Variants in SORCS2 observed in about 807,000 individuals in gnomAD.
The protein encoded by SORCS2 is VPS10 domain-containing receptor SorCS2.
A neutral mutation model predicts 141.6 loss-of-function variants in SORCS2; 100 were observed. The observed-to-expected ratio is 0.71, with a 90% confidence interval of 0.60 to 0.83. The LOEUF (loss-of-function observed/expected upper bound fraction) is 0.83, where lower values mean the gene tolerates loss of function less well. SORCS2 is among the 40% of genes least tolerant of loss of function. The pLI is 0.00. For missense variants in SORCS2, 1,646 were observed against 1,560.2 expected, an observed-to-expected ratio of 1.05 and a Z score of -0.93; for synonymous variants, 789 against 676.9, an observed-to-expected ratio of 1.17 and a Z score of -2.57.
At chr4:7,526,110 C>T (rs770089812) in intron 2 of SORCS2, among the ~76,000 whole-genome samples, 4 of 152,268 alleles carry the variant, frequency 2.6e-5, no homozygotes, top group African/African-American at 4.8e-5. Context: ...TAATGATGAG[C>T]CCTGCTATGC....
At chr4:7,405,316 AG>A (rs1349537630) in intron 2 of SORCS2, among the ~76,000 whole-genome samples, 6 of 152,128 alleles carry the variant, frequency 3.9e-5, no homozygotes, top group Non-Finnish European at 8.8e-5. Flanking sequence ...CTTCTTGCTT[AG>A]GATTTCTTTT....
chr4:7,605,100 C>T (rs1466518309), intron 3 of SORCS2, among the ~76,000 whole-genome samples: 1 of 152,204 alleles, frequency 6.6e-6, no homozygotes, highest in East Asian at 1.9e-4. Context: ...GTTTGATGTT[C>T]CTTCGTGTGA....
intron 9 of SORCS2, among the ~76,000 whole-genome samples, chr4:7,681,140 C>T (rs906947416): frequency 1.3e-5 from 2 of 152,138 alleles, no homozygotes; most frequent in Non-Finnish European, 2.9e-5. Flanking sequence ...TGATGCGTGT[C>T]CTTGGGGGTC....
chr4:7,467,455 C>G (rs973251382), intron 2 of SORCS2, among the ~76,000 whole-genome samples: 19 of 152,200 alleles, frequency 1.2e-4, no homozygotes, highest in Non-Finnish European at 4.4e-5. Context: ...CCTCACAGCT[C>G]TCATCATCAC....
At chr4:7,446,203 A>G (rs1727987476) in intron 2 of SORCS2, among the ~76,000 whole-genome samples, 1 of 151,976 alleles carries the variant, frequency 6.6e-6, no homozygotes, top group Non-Finnish European at 1.5e-5. Context: ...AGGGAAGAAA[A>G]GAACCTTATT....
At chr4:7,657,305 A>ATGAATGAGTGAATAAATGAG in intron 5 of SORCS2, among the ~76,000 whole-genome samples, 1 of 152,400 alleles carries the variant, frequency 6.6e-6, no homozygotes, top group Non-Finnish European at 1.5e-5. Flanking sequence ...TAGGTAATGA[A>ATGAATGAGTGAATAAATGAG]TGAATGAGTG....
intron 1 of SORCS2, among the ~76,000 whole-genome samples, chr4:7,289,813 G>A (rs1007006864): frequency 1.4e-4 from 21 of 152,280 alleles, no homozygotes; most frequent in East Asian, 9.6e-4. Context: ...AAATAGAGAC[G>A]GCGCTCGGCT....
At chr4:7,414,521 C>T (rs1214322958) in intron 2 of SORCS2, among the ~76,000 whole-genome samples, 3 of 152,108 alleles carry the variant, frequency 2.0e-5, no homozygotes, top group Non-Finnish European at 4.4e-5. Context: ...ATTAAGCCGG[C>T]GGCCAAAGAG....
intron 1 of SORCS2, among the ~76,000 whole-genome samples, chr4:7,387,725 TAC>T (rs1200066138): frequency 7.4e-6 from 1 of 134,272 alleles, no homozygotes; most frequent in African/African-American, 2.8e-5. Context: ...TGCACACACA[TAC>T]ACATTTGCAC....
chr4:7,682,998 C>A, intron 10 of SORCS2, 109 bp downstream of exon 10: 1 of 1,321,286 alleles, frequency 7.6e-7, no homozygotes, highest in Non-Finnish European at 1.0e-6. Context: ...CCATCTGAGA[C>A]ACATGAACCA....
intron 1 of SORCS2, among the ~76,000 whole-genome samples, chr4:7,394,951 G>A (rs762198205): frequency 5.9e-5 from 9 of 152,302 alleles, no homozygotes; most frequent in South Asian, 2.1e-4. Context: ...TGGGAACAGC[G>A]TGACTATATC....
intron 3 of SORCS2, among the ~76,000 whole-genome samples, chr4:7,621,393 ATGTG>A (rs941462989): frequency 6.7e-6 from 1 of 148,626 alleles, no homozygotes; most frequent in Non-Finnish European, 1.5e-5. Context: ...GTGAGTGTTT[ATGTG>A]TGTGTCTGTG....
chr4:7,496,342 C>G (rs34135533), intron 2 of SORCS2, among the ~76,000 whole-genome samples: 8,460 of 152,072 alleles, frequency 0.056, 226 homozygotes, highest in Non-Finnish European at 0.061. Context: ...TGAGGATTCG[C>G]GCCTGGGTCT....
intron 3 of SORCS2, among the ~76,000 whole-genome samples, chr4:7,587,781 C>G (rs1654729519): frequency 6.6e-6 from 1 of 152,218 alleles, no homozygotes; most frequent in South Asian, 2.1e-4. Context: ...CTCTTTCCAG[C>G]TGCAGGGCCT....
chr4:7,404,078 G>T (rs1225039090), intron 2 of SORCS2, among the ~76,000 whole-genome samples: 1 of 148,340 alleles, frequency 6.7e-6, no homozygotes, highest in African/African-American at 2.5e-5. Context: ...TTTATTTCTG[G>T]GTTCTACGTT....
At chr4:7,582,940 G>A (rs760559661) in intron 3 of SORCS2, among the ~76,000 whole-genome samples, 11 of 152,134 alleles carry the variant, frequency 7.2e-5, no homozygotes, top group South Asian at 2.1e-4. Context: ...CCCACCCACC[G>A]TGGGCTTATT....
intron 3 of SORCS2, among the ~76,000 whole-genome samples, chr4:7,615,690 A>G (rs1268027489): frequency 4.6e-5 from 7 of 152,190 alleles, no homozygotes; most frequent in African/African-American, 1.7e-4. Context: ...TACTTCCAGG[A>G]AACTACAGAT....
intron 14 of SORCS2, among the ~76,000 whole-genome samples, chr4:7,707,638 T>C (rs1725553547): frequency 6.6e-6 from 1 of 152,208 alleles, no homozygotes; most frequent in South Asian, 2.1e-4. Flanking sequence ...CCCTTGCTGG[T>C]GGCTGTGCCC....
At chr4:7,547,014 C>T (rs549335363) in intron 3 of SORCS2, among the ~76,000 whole-genome samples, 29 of 152,264 alleles carry the variant, frequency 1.9e-4, no homozygotes, top group Admixed American at 1.9e-3. Flanking sequence ...GTTCCAGATG[C>T]TGCTGCCTGT....
Sources: gnomAD v4.1 joint callset for allele counts (sites outside exome capture counted in the v4.1 genomes callset) on GRCh38, gnomAD v4.1.1 for gene constraint, MANE v1.5 for transcripts, NCBI Gene and HGNC (gene_info 2026-07-23, HGNC 2026-07-21) for gene names.